Variants in TRIM33 observed in about 807,000 individuals in gnomAD.
The protein encoded by TRIM33 is tripartite motif containing 33, also known as E3 ubiquitin-protein ligase TRIM33.
A neutral mutation model predicts 125.4 loss-of-function variants in TRIM33; 20 were observed. The ratio of observed to expected loss-of-function variants is 0.16; its 90% CI spans 0.11 to 0.23. The LOEUF is 0.23. TRIM33 is among the 10% of genes least tolerant of loss of function. The pLI is 1.00. For synonymous variants in TRIM33, 564 were observed against 513.9 expected (o/e 1.10, Z -1.32); for missense variants, 920 against 1,411.4 (o/e 0.65, Z 5.58).
At chr1:114,420,089 T>G (rs1653184874) in intron 11 of TRIM33, among the ~76,000 whole-genome samples, 1 of 152,166 alleles carries the variant, frequency 6.6e-6, no homozygotes, top group African/African-American at 2.4e-5. Context: ...TGCATAAAAC[T>G]AAATTCAGTA....
At chr1:114,477,893 G>A (rs1025325964) in intron 1 of TRIM33, among the ~76,000 whole-genome samples, 1 of 152,134 alleles carries the variant, frequency 6.6e-6, no homozygotes, top group East Asian at 1.9e-4. Flanking sequence ...GGATACCTGA[G>A]ATGTCACTTA....
chr1:114,466,951 G>T (rs1225678938), intron 1 of TRIM33, among the ~76,000 whole-genome samples: 1 of 152,150 alleles, frequency 6.6e-6, no homozygotes, highest in Non-Finnish European at 1.5e-5. Flanking sequence ...AGTCCTCATA[G>T]CAGCCCTGTA....
intron 1 of TRIM33, among the ~76,000 whole-genome samples, chr1:114,499,074 G>C (rs747465536): frequency 6.6e-5 from 10 of 152,160 alleles, no homozygotes; most frequent in Non-Finnish European, 1.0e-4. Flanking sequence ...AGTAGCATCA[G>C]CAACACTGAT....
chr1:114,480,600 A>G (rs1651269002), intron 1 of TRIM33, among the ~76,000 whole-genome samples: 1 of 151,884 alleles, frequency 6.6e-6, no homozygotes, highest in African/African-American at 2.4e-5. Context: ...TTTAAGGTAC[A>G]CTAAAAATAT....
At chr1:114,432,454 C>T (rs1648018814) in intron 5 of TRIM33, among the ~76,000 whole-genome samples, 1 of 152,082 alleles carries the variant, frequency 6.6e-6, no homozygotes, top group Non-Finnish European at 1.5e-5. Flanking sequence ...AATCTACAAG[C>T]TCTAAGGAGC....
chr1:114,511,029 GC>G lies in TRIM33; in HGVS notation c.47del (p.Gly16AlafsTer7), dbSNP rs1249422960. 9.1e-6 allele frequency: 12 copies of G among 1,317,196 alleles called. No homozygotes were observed. The highest frequency in any genetic ancestry group is 3.7e-5 in the South Asian group (2 of 54,368). 81.6% of individuals were successfully genotyped at this position (1,317,196 alleles called of 1,614,324 possible). On this transcript the variant is annotated frameshift_variant, in exon 1 of 20. Coordinates refer to ENST00000358465, the MANE Select transcript of TRIM33 (RefSeq NM_015906.4). LOFTEE classifies it high-confidence loss of function. ...GGGEAESGGGGSGSAPVTAGA... is the reference protein window; with the variant it reads ...GGGEAESGGGXSGSAPVTAGA... ...CGGCAGTTACCGGCGCGCTGCCGCT[GC>G]CCCCGCCGCCGCTCTCAGCCTCGCC...
chr1:114,507,272 A>G (rs1396555314), intron 1 of TRIM33, among the ~76,000 whole-genome samples: 1 of 152,222 alleles, frequency 6.6e-6, no homozygotes, highest in African/African-American at 2.4e-5. Flanking sequence ...ACTGGACAGG[A>G]GGTCCGGAAT....
In TRIM33 at chr1:114,394,759, C is replaced by T. The variant is rs889897014; in HGVS notation, c.*2889G>A. The T allele has an allele frequency of 6.5e-5, 13 of 200,602 alleles. No individual in the cohort carries two copies. The highest frequency in any genetic ancestry group is 1.0e-4 in the Non-Finnish European group (10 of 97,236). 12.4% of individuals were successfully genotyped at this position (200,602 alleles called of 1,614,324 possible). A position where few individuals can be genotyped will look rare whatever the true frequency, so the allele number is the denominator to read the frequency against. On this transcript the variant is annotated 3_prime_UTR_variant, in exon 20 of 20. Coordinates refer to ENST00000358465, the MANE Select transcript of TRIM33 (RefSeq NM_015906.4). ...TACTTTAGAACTTTCACATGCTTTG[C>T]CTCATAAAGCAATTCCTTCACTCAG...
At chr1:114,427,603 G>C (rs1647674738) in intron 7 of TRIM33, 145 bp downstream of exon 7, 2 of 755,882 alleles carry the variant, frequency 2.6e-6, no homozygotes, top group East Asian at 2.8e-5. Context: ...GGAAACTTTG[G>C]GGGGTGGTGG....
chr1:114,420,715 T>G (rs1653231914), intron 11 of TRIM33, among the ~76,000 whole-genome samples: 1 of 152,216 alleles, frequency 6.6e-6, no homozygotes, highest in African/African-American at 2.4e-5. Flanking sequence ...TGATCTATGT[T>G]ATAGAAAGAC....
rs1651526084 is a variant in TRIM33 at position 114,396,033 on chromosome 1, G to C, written c.*1615C>G. 1 of 197,954 alleles carries C rather than the reference G, an allele frequency of 5.1e-6. No individual in the cohort carries two copies. 12.3% of individuals were successfully genotyped at this position (197,954 alleles called of 1,614,324 possible). On this transcript the variant is annotated 3_prime_UTR_variant, in exon 20 of 20. Coordinates refer to ENST00000358465, the MANE Select transcript of TRIM33 (RefSeq NM_015906.4). Reference sequence around the variant, plus strand: ...AGTCTACTCTCTGAACTGCTTAAATGAATTTTTAAAAAGGCAAATAAATGA... The same window carrying C: ...AGTCTACTCTCTGAACTGCTTAAATCAATTTTTAAAAAGGCAAATAAATGA...
intron 1 of TRIM33, among the ~76,000 whole-genome samples, chr1:114,510,253 C>T (rs896853280): frequency 6.6e-6 from 1 of 152,156 alleles, no homozygotes; most frequent in African/African-American, 2.4e-5. Context: ...TCTCACTGTA[C>T]GGGTCTGCCA....
At chr1:114,438,949 T>C (rs1191294128) in intron 4 of TRIM33, among the ~76,000 whole-genome samples, 1 of 151,772 alleles carries the variant, frequency 6.6e-6, no homozygotes, top group Non-Finnish European at 1.5e-5. Context: ...GGACAGAGAG[T>C]AGGAAATGTG....
At chr1:114,435,333 G>T (rs1284341385) in intron 4 of TRIM33, among the ~76,000 whole-genome samples, 1 of 152,208 alleles carries the variant, frequency 6.6e-6, no homozygotes, top group Non-Finnish European at 1.5e-5. Flanking sequence ...TTATGTGTCA[G>T]TTATGGCAAG....
intron 3 of TRIM33, 63 bp downstream of exon 3, chr1:114,463,349 T>C: frequency 6.4e-7 from 1 of 1,563,732 alleles, no homozygotes; most frequent in East Asian, 2.3e-5. Flanking sequence ...TAGAAAATTC[T>C]ATAGGGGCAA....
intron 12 of TRIM33, among the ~76,000 whole-genome samples, chr1:114,409,407 C>T (rs1652443061): frequency 6.6e-6 from 1 of 152,122 alleles, no homozygotes; most frequent in African/African-American, 2.4e-5. Context: ...TTTAAAATTA[C>T]AGTTTGAAAA....
At chr1:114,403,634 T>C (rs1652046275) in intron 15 of TRIM33, among the ~76,000 whole-genome samples, 1 of 151,860 alleles carries the variant, frequency 6.6e-6, no homozygotes, top group African/African-American at 2.4e-5. Context: ...GCCTCCCGGG[T>C]TCAAGCAATT....
At chr1:114,486,904 T>C (rs538577675) in intron 1 of TRIM33, among the ~76,000 whole-genome samples, 6 of 151,966 alleles carry the variant, frequency 3.9e-5, no homozygotes, top group South Asian at 2.1e-4. Context: ...CTGGCCAAAA[T>C]AGTGAAACCC....
intron 4 of TRIM33, among the ~76,000 whole-genome samples, chr1:114,450,613 G>C (rs916693844): frequency 6.6e-6 from 1 of 151,908 alleles, no homozygotes; most frequent in African/African-American, 2.4e-5. Flanking sequence ...GGCTGGTCTT[G>C]AACTCCTGAG....
Sources: allele counts gnomAD v4.1 joint callset (sites outside exome capture counted in the v4.1 genomes callset), GRCh38; gene constraint gnomAD v4.1.1; transcripts MANE v1.5; gene names NCBI Gene and HGNC (gene_info 2026-07-23, HGNC 2026-07-21).